ANKS1B: variants seen among roughly 807,000 people sequenced by gnomAD.
ANKS1B encodes the protein ankyrin repeat and sterile alpha motif domain containing 1B.
Under a neutral mutation model 148.3 loss-of-function variants are expected in ANKS1B, and 36 were observed. That is an observed-to-expected ratio of 0.24 (90% CI 0.19 to 0.32). The LOEUF is 0.32. Among genes scored for constraint, ANKS1B ranks in the 10% least tolerant of loss-of-function variants. The pLI is 1.00. For synonymous variants in ANKS1B, 542 were observed against 560.8 expected (o/e 0.97, Z 0.47); for missense variants, 1,157 against 1,542.6 (o/e 0.75, Z 4.19).
At chr12:99,340,579 G>A (rs1418200915) in intron 12 of ANKS1B, among the ~76,000 whole-genome samples, 1 of 151,668 alleles carries the variant, frequency 6.6e-6, no homozygotes, top group East Asian at 1.9e-4. Flanking sequence ...AAATGCCCCA[G>A]TACCATTAGT....
chr12:99,222,292 T>A (rs535146737), intron 14 of ANKS1B, among the ~76,000 whole-genome samples: 1 of 152,306 alleles, frequency 6.6e-6, no homozygotes, highest in East Asian at 1.9e-4. Flanking sequence ...TCACTAAACA[T>A]TGTATAAACT....
At position 99,469,416 on chromosome 12, in the gene ANKS1B, C is replaced by T. The variant is rs1000399789; in HGVS notation, c.1439-25607G>A. Among the ~76,000 whole-genome samples the T allele has an allele frequency of 1.8e-4, 28 of 151,808 alleles. No individual in the cohort carries two copies. The East Asian group carries it at 4.1e-3, about 22-fold the overall frequency. ...GTAACTAATCTGCACATTGTGCACA[C>T]GTACCCTAAAACTTAAAGTATAATA... On this transcript the variant is annotated intron_variant, in intron 10 of 26. Coordinates refer to ENST00000683438, the MANE Select transcript of ANKS1B (RefSeq NM_001352186.2).
At chr12:98,832,178 C>G in intron 17 of ANKS1B, 42 bp from the exon 18 acceptor site, 2 of 1,446,146 alleles carry the variant, frequency 1.4e-6, no homozygotes, top group Non-Finnish European at 1.9e-6. Flanking sequence ...CACTGGAGAA[C>G]AAATAATTTT....
intron 15 of ANKS1B, among the ~76,000 whole-genome samples, chr12:99,085,309 C>T (rs1429315415): frequency 2.0e-5 from 3 of 151,138 alleles, no homozygotes; most frequent in South Asian, 2.1e-4. Flanking sequence ...TGTTTCTGCA[C>T]ATTGTGCACA....
chr12:99,825,261 C>A (rs1203725951), intron 2 of ANKS1B, 48 bp downstream of exon 2: 2 of 1,477,202 alleles, frequency 1.4e-6, no homozygotes, highest in South Asian at 1.2e-5. Flanking sequence ...TTAACTTCAT[C>A]ACATGTAACT....
Position 99,050,703 on chromosome 12 carries a change from T to C in ANKS1B, c.2778+2454A>G, listed in dbSNP as rs533332195. ...TTTTTTCTTTTTCTTTTTTTTTTTT[T>C]TTTTTTGAGACAGAGTCTTGCTCAG... is the stretch of plus-strand genomic sequence containing the variant. On this transcript the variant is annotated intron_variant, in intron 17 of 26. Coordinates refer to ENST00000683438, the MANE Select transcript of ANKS1B (RefSeq NM_001352186.2). 1.5e-3 allele frequency among the ~76,000 whole-genome samples: 225 copies of C among 147,218 alleles called. 1 individual carries two copies. Among genetic ancestry groups the C allele is most frequent in the African/African-American group, 5.4e-3 (215 of 40,096 alleles).
chr12:99,434,536 T>C (rs1045377516), intron 11 of ANKS1B, among the ~76,000 whole-genome samples: 5 of 152,156 alleles, frequency 3.3e-5, no homozygotes, highest in Non-Finnish European at 7.4e-5. Context: ...ATATTTTTAT[T>C]TATTTATTAC....
chr12:99,118,602 C>T (rs1352456421), intron 15 of ANKS1B, among the ~76,000 whole-genome samples: 1 of 152,092 alleles, frequency 6.6e-6, no homozygotes, highest in Non-Finnish European at 1.5e-5. Context: ...ATATTATGTG[C>T]TGCAATGCTG....
At chr12:98,798,830 G>T in intron 22 of ANKS1B, 104 bp downstream of exon 22, 2 of 929,602 alleles carry the variant, frequency 2.2e-6, no homozygotes, top group South Asian at 1.8e-5. Flanking sequence ...TGATTCAGCA[G>T]ACCAACAGAT....
chr12:99,915,291 G>A (rs1322102744), intron 1 of ANKS1B, among the ~76,000 whole-genome samples: 4 of 151,470 alleles, frequency 2.6e-5, no homozygotes, highest in Non-Finnish European at 4.4e-5. Flanking sequence ...AAGAATATGG[G>A]AAGAAATCAC....
At chr12:99,893,559 A>T (rs928936354) in intron 1 of ANKS1B, among the ~76,000 whole-genome samples, 1 of 152,152 alleles carries the variant, frequency 6.6e-6, no homozygotes, top group Non-Finnish European at 1.5e-5. Flanking sequence ...ATACTAAATT[A>T]CTTGTTTTAT....
At chr12:99,595,735 C>T (rs760600307) in intron 9 of ANKS1B, among the ~76,000 whole-genome samples, 1 of 151,874 alleles carries the variant, frequency 6.6e-6, no homozygotes, top group Non-Finnish European at 1.5e-5. Context: ...CCTCTTAACA[C>T]CTTTAAATAA....
At chr12:99,979,024 G>T (rs908007571) in intron 1 of ANKS1B, among the ~76,000 whole-genome samples, 1 of 151,946 alleles carries the variant, frequency 6.6e-6, no homozygotes, top group Non-Finnish European at 1.5e-5. Flanking sequence ...CATTTTAAAT[G>T]GAAATTAGTT....
chr12:98,827,742 C>T (rs1242289158), intron 19 of ANKS1B, among the ~76,000 whole-genome samples: 3 of 152,134 alleles, frequency 2.0e-5, no homozygotes, highest in Non-Finnish European at 2.9e-5. Flanking sequence ...CTGCGGTTGA[C>T]ACAGTCAATA....
intron 16 of ANKS1B, among the ~76,000 whole-genome samples, chr12:99,055,986 A>C (rs574406026): frequency 1.3e-5 from 2 of 152,218 alleles, no homozygotes; most frequent in Admixed American, 6.5e-5. Context: ...TCCTAGACCA[A>C]TCTTAAAGAG....
chr12:99,563,121 G>T (rs2097354366), intron 9 of ANKS1B, among the ~76,000 whole-genome samples: 1 of 152,064 alleles, frequency 6.6e-6, no homozygotes, highest in Non-Finnish European at 1.5e-5. Context: ...TGGCTGATTT[G>T]GTCTTCTAAC....
chr12:98,796,374 C>T (rs752157734), intron 22 of ANKS1B, among the ~76,000 whole-genome samples: 1 of 151,990 alleles, frequency 6.6e-6, no homozygotes. Flanking sequence ...CTTTTTAGAC[C>T]GTCTGTGTCC....
chr12:99,279,741 T>C (rs1352325364), intron 12 of ANKS1B, among the ~76,000 whole-genome samples: 2 of 152,134 alleles, frequency 1.3e-5, no homozygotes, highest in Non-Finnish European at 2.9e-5. Context: ...GGGTTGGGCA[T>C]GGTGGCTCAT....
chr12:99,676,170 C>T (rs1443138329), intron 8 of ANKS1B, among the ~76,000 whole-genome samples: 1 of 152,172 alleles, frequency 6.6e-6, no homozygotes, highest in East Asian at 1.9e-4. Flanking sequence ...TTTGCTTCCC[C>T]TTCTGCCATT....
Sources: gnomAD v4.1 joint callset for allele counts (sites outside exome capture counted in the v4.1 genomes callset) on GRCh38, gnomAD v4.1.1 for gene constraint, MANE v1.5 for transcripts, NCBI Gene and HGNC (gene_info 2026-07-23, HGNC 2026-07-21) for gene names.